The following DNAJB2 variants were observed in gnomAD, a reference collection of about 807,000 sequenced individuals.
DNAJB2 encodes the protein DnaJ heat shock protein family (Hsp40) member B2, also known as dnaJ homolog subfamily B member 2.
In DNAJB2, 19 loss-of-function variants were observed where a neutral mutation model predicts 33.3. That is an observed-to-expected ratio of 0.57 (90% CI 0.40 to 0.84). The LOEUF is 0.84. Among genes scored for constraint, DNAJB2 ranks in the 40% least tolerant of loss-of-function variants. The pLI is 0.00. For missense variants in DNAJB2, 368 were observed against 430.9 expected, an observed-to-expected ratio of 0.85 and a Z score of 1.29; for synonymous variants, 172 against 164.6, an observed-to-expected ratio of 1.04 and a Z score of -0.34.
rs1440632710 is a variant in DNAJB2 at position 219,280,098 on chromosome 2, AGTTC to A, written c.65+201_65+204del. Reference sequence around the variant, plus strand: ...AGAACGTCCAGAGAGTGAAGTAGTTAGTTCCTCTGGGAGCTGCACTGTGTTATGG... The same window carrying A: ...AGAACGTCCAGAGAGTGAAGTAGTTACTCTGGGAGCTGCACTGTGTTATGG... On this transcript the variant is annotated intron_variant, in intron 2 of 8. Coordinates refer to ENST00000336576, the MANE Select transcript of DNAJB2 (RefSeq NM_006736.6). 8.3e-6 allele frequency: 5 copies of A among 603,462 alleles called. No individual in the cohort carries two copies. In the African/African-American group the frequency reaches 9.3e-5, roughly 11 times the overall value. 37.4% of individuals were successfully genotyped at this position (603,462 alleles called of 1,614,324 possible).
chr2:219,282,753 G>A, intron 5 of DNAJB2, 84 bp from the exon 6 acceptor site: 1 of 1,353,504 alleles, frequency 7.4e-7, no homozygotes. Context: ...TTGCTTAGTG[G>A]TTTATACTTC....
chr2:219,285,794 TG>T lies in DNAJB2; in HGVS notation c.*808del. On this transcript the variant is annotated 3_prime_UTR_variant, in exon 9 of 9. Transcript: ENST00000336576. ...AGGCAGAGGTGAGGCTGGCTCACCC[TG>T]AAGAGGTGGGATAGGACCGGGGGAC... The T allele has an allele frequency of 7.2e-7, 1 of 1,380,592 alleles. No homozygotes were observed. Among genetic ancestry groups the T allele is most frequent in the Non-Finnish European group, 9.4e-7 (1 of 1,062,836 alleles). The allele number at this position is 1,380,592 out of a possible 1,614,324, so 85.5% of individuals were successfully genotyped here. A position where few individuals can be genotyped will look rare whatever the true frequency, so the allele number is the denominator to read the frequency against.
In DNAJB2 at chr2:219,285,789, C is replaced by A. The variant is rs984753966; in HGVS notation, c.*802C>A. On this transcript the variant is annotated 3_prime_UTR_variant, in exon 9 of 9. Transcript: ENST00000336576. ...GGACTAGGCAGAGGTGAGGCTGGCTCACCCTGAAGAGGTGGGATAGGACCG... is the reference window on the plus strand; with the variant it reads ...GGACTAGGCAGAGGTGAGGCTGGCTAACCCTGAAGAGGTGGGATAGGACCG... The A allele has an allele frequency of 2.9e-6, 4 of 1,371,080 alleles. No individual in the cohort carries two copies. The highest frequency in any genetic ancestry group is 2.9e-5 in the African/African-American group (2 of 69,030). 84.9% of individuals were successfully genotyped at this position (1,371,080 alleles called of 1,614,324 possible). A position where few individuals can be genotyped will look rare whatever the true frequency, so the allele number is the denominator to read the frequency against.
rs563782600 is a variant in DNAJB2 at position 219,286,329 on chromosome 2, C to T, written c.*1342C>T. ...TAGTAGCCCAGGTCGGCTTGTCACT[C>T]GCTGTGAGATGGGGAGATTTTGTCT... On this transcript the variant is annotated 3_prime_UTR_variant, in exon 9 of 9. Transcript: ENST00000336576. 1.2e-4 allele frequency: 39 copies of T among 328,138 alleles called. No homozygotes were observed. In the Admixed American group the frequency reaches 1.2e-3, roughly 10 times the overall value. The allele number at this position is 328,138 out of a possible 1,614,324, so 20.3% of individuals were successfully genotyped here.
At position 219,284,756 on chromosome 2, in the gene DNAJB2, CCT is replaced by C. The variant is rs1559287512; in HGVS notation, c.749_750del (p.Ser250Ter). The C allele has an allele frequency of 6.2e-7, 1 of 1,613,572 alleles. No homozygotes were observed. The highest frequency in any genetic ancestry group is 8.5e-7 in the Non-Finnish European group (1 of 1,179,976). ...TPASCPLDSD[L>X]SEDEDLQLAM... ...CTGCCTCATGCCCCTTGGACAGCGA[CCT>C]CTCTGAGGATGAGGACCTGCAGCTG... On this transcript the variant is annotated frameshift_variant, in exon 9 of 9. Coordinates refer to ENST00000336576, the MANE Select transcript of DNAJB2 (RefSeq NM_006736.6). LOFTEE classifies it high-confidence loss of function.
chr2:219,280,041 G>A (rs958490401), intron 2 of DNAJB2, 143 bp downstream of exon 2: 2 of 837,594 alleles, frequency 2.4e-6, no homozygotes, highest in Non-Finnish European at 3.8e-6. Context: ...GACACCTGCA[G>A]GGAGGAAAGA....
At chr2:219,282,137 T>G in intron 5 of DNAJB2, 76 bp downstream of exon 5, 2 of 1,611,840 alleles carry the variant, frequency 1.2e-6, no homozygotes, top group Non-Finnish European at 1.7e-6. Flanking sequence ...TGGGAGGCCC[T>G]GAGGTGGAAG....
At chr2:219,282,134 C>T (rs1210278669) in intron 5 of DNAJB2, 73 bp downstream of exon 5, 2 of 1,611,706 alleles carry the variant, frequency 1.2e-6, no homozygotes, top group Non-Finnish European at 1.7e-6. Flanking sequence ...AGCTGGGAGG[C>T]CCTGAGGTGG....
In DNAJB2 at chr2:219,285,327, G is replaced by A. The variant is rs1951945274; in HGVS notation, c.*340G>A. ...CTGGTACTCTGCCACCTGTGTTGCT[G>A]ATGGTGTCAAGGAAGGAGGACTTGG... On this transcript the variant is annotated 3_prime_UTR_variant, in exon 9 of 9. Coordinates refer to ENST00000336576, the MANE Select transcript of DNAJB2 (RefSeq NM_006736.6). The A allele has an allele frequency of 4.8e-6, 5 of 1,046,174 alleles. No individual in the cohort carries two copies. The highest frequency in any genetic ancestry group is 1.0e-4 in the Admixed American group (2 of 19,564). The allele number at this position is 1,046,174 out of a possible 1,614,324, so 64.8% of individuals were successfully genotyped here. A position where few individuals can be genotyped will look rare whatever the true frequency, so the allele number is the denominator to read the frequency against.
intron 2 of DNAJB2, among the ~76,000 whole-genome samples, 178 bp from the exon 3 acceptor site, chr2:219,280,400 G>C (rs1263894178): frequency 1.3e-5 from 2 of 152,188 alleles, no homozygotes; most frequent in African/African-American, 4.8e-5. Context: ...TGGCGGAGGA[G>C]AGAGGGTGGA....
chr2:219,280,223 G>A, intron 2 of DNAJB2: 1 of 519,618 alleles, frequency 1.9e-6, no homozygotes, highest in South Asian at 2.3e-5. Context: ...TCAGGCTGCA[G>A]TGCAAAGATG....
In DNAJB2 at chr2:219,279,664, G is replaced by A; in HGVS notation, c.-36-134G>A. ...AGATAAGGCTGCCGGAGGGAGCCTA[G>A]TCACCGGCCGCAAGCAGAGCCCGGT... is the stretch of plus-strand genomic sequence containing the variant. On this transcript the variant is annotated intron_variant, in intron 1 of 8. Transcript: ENST00000336576. The surrounding 1 kb of genome is among the most constrained non-coding windows in gnomAD (Gnocchi z 4.9). 1 of 664,324 alleles carries A rather than the reference G, an allele frequency of 1.5e-6. No homozygotes were observed. Among genetic ancestry groups the A allele is most frequent in the Non-Finnish European group, 2.5e-6 (1 of 394,584 alleles). 41.2% of individuals were successfully genotyped at this position (664,324 alleles called of 1,614,324 possible).
In DNAJB2 at chr2:219,286,787, G is replaced by A. The variant is rs1421121620; in HGVS notation, c.*1800G>A. The A allele has an allele frequency of 6.6e-6, 1 of 152,296 alleles. No homozygotes were observed. The highest frequency in any genetic ancestry group is 1.9e-4 in the East Asian group (1 of 5,200). The allele number at this position is 152,296 out of a possible 1,614,324, so 9.4% of individuals were successfully genotyped here. ...GAGCCCAGTGGCCAGGGAGGGGAGT[G>A]GTGGAGCCAGTCGCTGTAACACTGA... On this transcript the variant is annotated 3_prime_UTR_variant, in exon 9 of 9. Transcript: ENST00000336576.
rs565907512 is a variant in DNAJB2 at position 219,282,239 on chromosome 2, C to T, written c.352+178C>T. On this transcript the variant is annotated intron_variant, in intron 5 of 8. Transcript: ENST00000336576. ...CAGAACCTCACGTGTGCCAGAACCCCCGTAATCCAACAGTGACACTTCACA... is the reference window on the plus strand; with the variant it reads ...CAGAACCTCACGTGTGCCAGAACCCTCGTAATCCAACAGTGACACTTCACA... 2.5e-4 allele frequency: 211 copies of T among 852,474 alleles called. 4 individuals are homozygous for T. Among genetic ancestry groups the T allele is most frequent in the South Asian group, 8.3e-5 (5 of 60,388 alleles). 52.8% of individuals were successfully genotyped at this position (852,474 alleles called of 1,614,324 possible).
At chr2:219,280,986 G>A (rs965250588) in intron 3 of DNAJB2, 2 of 388,420 alleles carry the variant, frequency 5.1e-6, no homozygotes, top group African/African-American at 2.0e-5. Context: ...GCCGTCCTAT[G>A]AGGCAGGTTC....
Position 219,285,822 on chromosome 2 carries a change from C to T in DNAJB2, c.*835C>T. 2 of 1,415,764 alleles carry T rather than the reference C, an allele frequency of 1.4e-6. No homozygotes were observed. The highest frequency in any genetic ancestry group is 1.9e-6 in the Non-Finnish European group (2 of 1,080,590). The allele number at this position is 1,415,764 out of a possible 1,614,324, so 87.7% of individuals were successfully genotyped here. On this transcript the variant is annotated 3_prime_UTR_variant, in exon 9 of 9. Coordinates refer to ENST00000336576, the MANE Select transcript of DNAJB2 (RefSeq NM_006736.6). Reference sequence around the variant, plus strand: ...AGAGGTGGGATAGGACCGGGGGACCCCAGAGGGAGGCCTAGGAGGGGACTG... The same window carrying T: ...AGAGGTGGGATAGGACCGGGGGACCTCAGAGGGAGGCCTAGGAGGGGACTG...
rs1350002092 is a variant in DNAJB2 at position 219,283,218 on chromosome 2, C to A, written c.531C>A (p.Arg177=). ...VSTSTTFVQG[R]RITTRRIMEN... is the part of the protein sequence containing the mutation. ...CATCTACCACCTTTGTCCAAGGACG[C>A]CGCATCACCACACGCAGGTGAGAGC... is the stretch of plus-strand genomic sequence containing the variant. The change falls in exon 7 of 9, where the codon CGC becomes CGA. Residue 177 remains arginine (R), a synonymous_variant. Coordinates refer to ENST00000336576, the MANE Select transcript of DNAJB2 (RefSeq NM_006736.6). The A allele has an allele frequency of 6.2e-7, 1 of 1,614,242 alleles. No homozygotes were observed. Among genetic ancestry groups the A allele is most frequent in the South Asian group, 1.1e-5 (1 of 91,086 alleles).
At chr2:219,280,262 G>A (rs1400431815) in intron 2 of DNAJB2, 1 of 519,742 alleles carries the variant, frequency 1.9e-6, no homozygotes, top group Non-Finnish European at 3.4e-6. Context: ...TGAGGAGGAG[G>A]GGCCGGTGTC....
Position 219,286,012 on chromosome 2 carries a change from T to G in DNAJB2, c.*1025T>G, listed in dbSNP as rs775864029. 1.2e-6 allele frequency: 2 copies of G among 1,612,712 alleles called. No homozygotes were observed. The highest frequency in any genetic ancestry group is 1.7e-6 in the Non-Finnish European group (2 of 1,179,766). ...ATGTGTTCTGAGCTGGATGCCGGGT[T>G]CCAGAATCGCTGCACAGTTCCAACA... On this transcript the variant is annotated 3_prime_UTR_variant, in exon 9 of 9. Coordinates refer to ENST00000336576, the MANE Select transcript of DNAJB2 (RefSeq NM_006736.6).
Sources: gnomAD v4.1 joint callset for allele counts (sites outside exome capture counted in the v4.1 genomes callset) on GRCh38, gnomAD v4.1.1 for gene constraint, Gnocchi (gnomAD v3.1) non-coding constraint, MANE v1.5 for transcripts, NCBI Gene and HGNC (gene_info 2026-07-23, HGNC 2026-07-21) for gene names.